The following KAT2B variants were observed in gnomAD, a reference collection of about 807,000 sequenced individuals.
KAT2B encodes lysine acetyltransferase 2B.
In KAT2B, 36 loss-of-function variants were observed where a neutral mutation model predicts 105.9. The observed-to-expected ratio is 0.34, with a 90% CI of 0.26 to 0.45. The LOEUF (loss-of-function observed/expected upper bound fraction) is 0.45, where lower values mean the gene tolerates loss of function less well. KAT2B is among the 20% of genes least tolerant of loss of function. The pLI is 1.00. For missense variants in KAT2B, 820 were observed against 1,021.6 expected (o/e 0.80, Z 2.69); for synonymous variants, 397 against 377.9 (o/e 1.05, Z -0.59).
At chr3:20,078,608 A>C (rs906386331) in intron 2 of KAT2B, among the ~76,000 whole-genome samples, 6 of 151,500 alleles carry the variant, frequency 4.0e-5, no homozygotes, top group Non-Finnish European at 8.8e-5. Flanking sequence ...CAAACTCCTG[A>C]GGTCAAGCGA....
At chr3:20,065,549 G>T (rs1698208469) in intron 1 of KAT2B, among the ~76,000 whole-genome samples, 1 of 151,438 alleles carries the variant, frequency 6.6e-6, no homozygotes, top group Non-Finnish European at 1.5e-5. Flanking sequence ...TTTGCTGGCA[G>T]TCAAGGATAA....
chr3:20,086,629 T>C (rs1280435757), intron 2 of KAT2B, among the ~76,000 whole-genome samples: 1 of 152,070 alleles, frequency 6.6e-6, no homozygotes, highest in Non-Finnish European at 1.5e-5. Flanking sequence ...AAAAATGCTG[T>C]ATTGGGGTGC....
intron 10 of KAT2B, among the ~76,000 whole-genome samples, chr3:20,127,023 T>C (rs1699417363): frequency 6.6e-6 from 1 of 152,196 alleles, no homozygotes; most frequent in East Asian, 1.9e-4. Flanking sequence ...TTCTTTTTCA[T>C]AATGTTTCTG....
At chr3:20,113,937 GA>G (rs3840185) in intron 6 of KAT2B, among the ~76,000 whole-genome samples, 27,304 of 92,986 alleles carry the variant, frequency 0.29, 2,697 homozygotes, top group East Asian at 0.54. Flanking sequence ...TTGGTTCAGG[GA>G]AAAAATGAAG....
At chr3:20,090,892 A>G (rs545401149) in intron 2 of KAT2B, among the ~76,000 whole-genome samples, 1 of 152,062 alleles carries the variant, frequency 6.6e-6, no homozygotes, top group South Asian at 2.1e-4. Context: ...GGCATGTGAC[A>G]CCACACCTGC....
chr3:20,152,602 A>C lies in KAT2B; in HGVS notation c.*77A>C. Reference sequence around the variant, plus strand: ...AAGGTGGTTTAGTTTTTTACAAAGAATTGGACATGATGTATTGAAGAGACT... The same window carrying C: ...AAGGTGGTTTAGTTTTTTACAAAGACTTGGACATGATGTATTGAAGAGACT... On this transcript the variant is annotated 3_prime_UTR_variant, in exon 18 of 18. Coordinates refer to ENST00000263754, the MANE Select transcript of KAT2B (RefSeq NM_003884.5). 1 of 1,151,330 alleles carries C rather than the reference A, an allele frequency of 8.7e-7. No individual in the cohort carries two copies. Among genetic ancestry groups the C allele is most frequent in the Non-Finnish European group, 1.3e-6 (1 of 796,220 alleles). The allele number at this position is 1,151,330 out of a possible 1,614,324, so 71.3% of individuals were successfully genotyped here. A position where few individuals can be genotyped will look rare whatever the true frequency, so the allele number is the denominator to read the frequency against.
At chr3:20,059,983 T>C (rs1198325902) in intron 1 of KAT2B, among the ~76,000 whole-genome samples, 2 of 152,160 alleles carry the variant, frequency 1.3e-5, no homozygotes, top group East Asian at 3.9e-4. Context: ...AAGTATACAG[T>C]ATGTGGCCTT....
At chr3:20,125,319 A>G (rs1699381953) in intron 9 of KAT2B, among the ~76,000 whole-genome samples, 1 of 151,584 alleles carries the variant, frequency 6.6e-6, no homozygotes, top group African/African-American at 2.4e-5. Context: ...AAAAAAAAAA[A>G]AAAAAAGAAT....
chr3:20,047,468 G>A (rs557113936), intron 1 of KAT2B, among the ~76,000 whole-genome samples: 15 of 152,198 alleles, frequency 9.9e-5, no homozygotes, highest in South Asian at 4.1e-4. Context: ...GCTTTATTGC[G>A]GTATAATTTA....
chr3:20,043,937 T>TG (rs780795633), intron 1 of KAT2B, among the ~76,000 whole-genome samples: 24 of 151,874 alleles, frequency 1.6e-4, no homozygotes, highest in Non-Finnish European at 2.5e-4. Context: ...GGTAGTTCAC[T>TG]GGGGGGCTTT....
chr3:20,061,474 A>G (rs761392475), intron 1 of KAT2B, among the ~76,000 whole-genome samples: 7 of 152,074 alleles, frequency 4.6e-5, no homozygotes, highest in Admixed American at 1.3e-4. Context: ...CCTACTTTCA[A>G]TTCTTTTGGG....
At chr3:20,142,081 C>T (rs970727501) in intron 13 of KAT2B, among the ~76,000 whole-genome samples, 4 of 152,176 alleles carry the variant, frequency 2.6e-5, no homozygotes, top group Non-Finnish European at 1.5e-5. Context: ...CTAATTCATC[C>T]CCACGGTGTT....
chr3:20,059,733 T>C (rs1403602426), intron 1 of KAT2B, among the ~76,000 whole-genome samples: 2 of 152,116 alleles, frequency 1.3e-5, no homozygotes, highest in Non-Finnish European at 2.9e-5. Flanking sequence ...AAAAAAACTT[T>C]ACTGAGTTAT....
At chr3:20,109,616 C>T (rs1341826409) in intron 5 of KAT2B, among the ~76,000 whole-genome samples, 1 of 152,116 alleles carries the variant, frequency 6.6e-6, no homozygotes, top group African/African-American at 2.4e-5. Flanking sequence ...CCATGCCATG[C>T]CTAGCCAGCC....
chr3:20,069,933 A>G (rs1698289820), intron 1 of KAT2B, among the ~76,000 whole-genome samples: 1 of 152,100 alleles, frequency 6.6e-6, no homozygotes, highest in African/African-American at 2.4e-5. Flanking sequence ...TCTCATGACA[A>G]TTTCCTTCAA....
chr3:20,153,867 G>C lies in KAT2B; in HGVS notation c.*1342G>C, dbSNP rs1160194014. The C allele has an allele frequency of 6.6e-6, 1 of 152,422 alleles. No homozygotes were observed. Among genetic ancestry groups the C allele is most frequent in the East Asian group, 1.9e-4 (1 of 5,200 alleles). The allele number at this position is 152,422 out of a possible 1,614,324, so 9.4% of individuals were successfully genotyped here. A position where few individuals can be genotyped will look rare whatever the true frequency, so the allele number is the denominator to read the frequency against. On this transcript the variant is annotated 3_prime_UTR_variant, in exon 18 of 18. Coordinates refer to ENST00000263754, the MANE Select transcript of KAT2B (RefSeq NM_003884.5). ...CTATCAGCATAAATAAAATGGTCATGAATAGTCATTAAAAACAGTTGCCAG... is the reference window on the plus strand; with the variant it reads ...CTATCAGCATAAATAAAATGGTCATCAATAGTCATTAAAAACAGTTGCCAG...
In KAT2B at chr3:20,127,141, C is replaced by A. The variant is rs144738456; in HGVS notation, c.1623-282C>A. Among the ~76,000 whole-genome samples the A allele has an allele frequency of 5.9e-5, 9 of 152,304 alleles. No individual in the cohort carries two copies. In the East Asian group the frequency reaches 1.7e-3, roughly 29 times the overall value. On this transcript the variant is annotated intron_variant, in intron 10 of 17. Transcript: ENST00000263754. Reference sequence around the variant, plus strand: ...GGCACTGGCTGTGCCAGTTCCAGAGCACCTCTGCACATACTCTGTTCTCTA... The same window carrying A: ...GGCACTGGCTGTGCCAGTTCCAGAGAACCTCTGCACATACTCTGTTCTCTA...
At chr3:20,120,908 C>A (rs2125173510) in intron 8 of KAT2B, among the ~76,000 whole-genome samples, 1 of 152,200 alleles carries the variant, frequency 6.6e-6, no homozygotes, top group East Asian at 1.9e-4. Flanking sequence ...CATTCCCTTT[C>A]ACTTCCAAGG....
intron 12 of KAT2B, among the ~76,000 whole-genome samples, chr3:20,138,890 A>ATTTT: frequency 6.6e-6 from 1 of 151,750 alleles, no homozygotes; most frequent in South Asian, 2.1e-4. Context: ...TTTGGTTTGG[A>ATTTT]TTTTGTTTGT....
Sources: allele counts gnomAD v4.1 joint callset (sites outside exome capture counted in the v4.1 genomes callset), GRCh38; gene constraint gnomAD v4.1.1; transcripts MANE v1.5; gene names NCBI Gene and HGNC (gene_info 2026-07-23, HGNC 2026-07-21).